Variants in INSL6 observed in about 807,000 individuals in gnomAD.
INSL6 encodes the protein insulin-like peptide INSL6.
A neutral mutation model predicts 9.4 loss-of-function variants in INSL6; 16 were observed. The ratio of observed to expected loss-of-function variants is 1.70; its 90% CI spans 1.15 to 2.59. The LOEUF (loss-of-function observed/expected upper bound fraction) is 2.59. INSL6 is among the 30% of genes most tolerant of loss of function. The probability of loss-of-function intolerance (pLI) is 0.00; values close to 1 mark genes in which losing one functional copy is unlikely to be tolerated. For missense variants in INSL6, 391 were observed against 257.3 expected, an observed-to-expected ratio of 1.52 and a Z score of -3.56; for synonymous variants, 154 against 96.9, an observed-to-expected ratio of 1.59 and a Z score of -3.46.
chr9:5,047,649 T>A, the INSL6 span, among the ~76,000 whole-genome samples: 1 of 152,334 alleles, frequency 6.6e-6, no homozygotes, highest in Non-Finnish European at 1.5e-5. Flanking sequence ...AGGTTTTCTT[T>A]CTTATTTTAT....
the INSL6 span, chr9:5,110,901 T>C: frequency 5.5e-6 from 3 of 550,110 alleles, no homozygotes; most frequent in African/African-American, 1.9e-5. Context: ...ATGCCCGCTC[T>C]GGCCCCAAGA....
At chr9:5,046,044 T>C in the INSL6 span, among the ~76,000 whole-genome samples, 2 of 152,196 alleles carry the variant, frequency 1.3e-5, no homozygotes, top group African/African-American at 4.8e-5. Flanking sequence ...TCCTCAACAA[T>C]GCTTTGCTTT....
the INSL6 span, among the ~76,000 whole-genome samples, chr9:5,017,139 A>G: frequency 6.6e-6 from 1 of 152,224 alleles, no homozygotes; most frequent in Non-Finnish European, 1.5e-5. Flanking sequence ...CCACAAAACA[A>G]TGCAGTAATA....
chr9:5,056,810 T>C, the INSL6 span, among the ~76,000 whole-genome samples: 3 of 152,316 alleles, frequency 2.0e-5, no homozygotes, highest in Non-Finnish European at 4.4e-5. Flanking sequence ...CCCAAAGAAC[T>C]TCTCCATGGG....
At chr9:5,032,786 A>C in the INSL6 span, among the ~76,000 whole-genome samples, 1 of 152,236 alleles carries the variant, frequency 6.6e-6, no homozygotes, top group Non-Finnish European at 1.5e-5. Context: ...TAAAACCACA[A>C]AGATGGGGAA....
At chr9:5,132,584 C>G (rs1288148048) in intron 3 of INSL6, among the ~76,000 whole-genome samples, 1 of 151,800 alleles carries the variant, frequency 6.6e-6, no homozygotes. Context: ...ATATTGCATA[C>G]CACTTCAGAC....
At chr9:5,015,086 T>C in the INSL6 span, among the ~76,000 whole-genome samples, 2 of 152,248 alleles carry the variant, frequency 1.3e-5, no homozygotes, top group Non-Finnish European at 2.9e-5. Flanking sequence ...TTTTAAGATT[T>C]ATCCATGTTG....
chr9:5,107,113 G>A, the INSL6 span, among the ~76,000 whole-genome samples: 1 of 152,094 alleles, frequency 6.6e-6, no homozygotes, highest in Non-Finnish European at 1.5e-5. Context: ...TGTAGATGTA[G>A]TATGACTATT....
chr9:5,031,756 T>TA, the INSL6 span, among the ~76,000 whole-genome samples: 1 of 152,336 alleles, frequency 6.6e-6, no homozygotes, highest in South Asian at 2.1e-4. Context: ...GGTTTCCTCT[T>TA]AAAATGAAAA....
chr9:5,094,107 T>C, the INSL6 span: 1 of 152,178 alleles, frequency 6.6e-6, no homozygotes, highest in Non-Finnish European at 1.5e-5. Flanking sequence ...AATATGCCTA[T>C]AATTAACCTT....
chr9:5,142,042 T>A (rs1287701323), intron 2 of INSL6, among the ~76,000 whole-genome samples: 1 of 152,190 alleles, frequency 6.6e-6, no homozygotes, highest in East Asian at 1.9e-4. Flanking sequence ...GAAATCTTAT[T>A]TCTGTGTTCT....
chr9:5,174,136 A>C (rs1244888471), intron 1 of INSL6, among the ~76,000 whole-genome samples: 4 of 152,142 alleles, frequency 2.6e-5, no homozygotes. Flanking sequence ...ATCAGTTTTT[A>C]ACTTCTATTG....
At chr9:5,022,106 A>G in the INSL6 span, 1 of 1,613,868 alleles carries the variant, frequency 6.2e-7, no homozygotes, top group Non-Finnish European at 8.5e-7. Context: ...CCAGTTCTTC[A>G]GGTGTATCTT....
At chr9:5,151,372 T>C (rs543241949) in intron 2 of INSL6, among the ~76,000 whole-genome samples, 2 of 152,276 alleles carry the variant, frequency 1.3e-5, no homozygotes, top group South Asian at 2.1e-4. Flanking sequence ...ATAATGCGTG[T>C]ACATGGCAAT....
the INSL6 span, among the ~76,000 whole-genome samples, chr9:5,083,960 CATT>C: frequency 5.3e-5 from 8 of 151,916 alleles, no homozygotes; most frequent in African/African-American, 1.2e-4. Context: ...AAGATTTTCC[CATT>C]ATTAATATTC....
intron 2 of INSL6, among the ~76,000 whole-genome samples, chr9:5,149,859 A>T (rs966355806): frequency 6.6e-6 from 1 of 152,230 alleles, no homozygotes; most frequent in Non-Finnish European, 1.5e-5. Context: ...TTACAAGGCT[A>T]TAATAACCAA....
the INSL6 span, chr9:5,080,835 T>C: frequency 6.4e-6 from 3 of 471,980 alleles, no homozygotes; most frequent in Non-Finnish European, 1.1e-5. Flanking sequence ...TCATGCTTTA[T>C]ACATATTCTA....
chr9:5,001,376 T>G, the INSL6 span, among the ~76,000 whole-genome samples: 1 of 152,184 alleles, frequency 6.6e-6, no homozygotes, highest in African/African-American at 2.4e-5. Flanking sequence ...TCTAATTTAT[T>G]TCCAGAAATT....
intron 2 of INSL6, among the ~76,000 whole-genome samples, chr9:5,136,465 C>T (rs1384092656): frequency 6.6e-6 from 1 of 152,052 alleles, no homozygotes; most frequent in Non-Finnish European, 1.5e-5. Flanking sequence ...GCTAGTTCAA[C>T]ATACTCAAAT....
Sources: gnomAD v4.1 joint callset for allele counts (sites outside exome capture counted in the v4.1 genomes callset) on GRCh38, gnomAD v4.1.1 for gene constraint, MANE v1.5 for transcripts, NCBI Gene and HGNC (gene_info 2026-07-23, HGNC 2026-07-21) for gene names.